PLCL1: variants seen among roughly 807,000 people sequenced by gnomAD.
PLCL1 encodes phospholipase C like 1 (inactive), also known as inactive phospholipase C-like protein 1.
In PLCL1, 41 loss-of-function variants were observed where a neutral mutation model predicts 84.4. The observed-to-expected ratio is 0.49, with a 90% CI of 0.38 to 0.63. PLCL1 has a LOEUF of 0.63. Ranked by LOEUF, PLCL1 falls within the 30% of genes least tolerant of loss-of-function variation. The pLI is 0.00. For missense variants in PLCL1, 1,206 were observed against 1,367.8 expected, an observed-to-expected ratio of 0.88 and a Z score of 1.87; for synonymous variants, 490 against 488.3, an observed-to-expected ratio of 1.00 and a Z score of -0.05.
At chr2:197,894,560 C>G (rs1688096741) in intron 1 of PLCL1, among the ~76,000 whole-genome samples, 1 of 151,992 alleles carries the variant, frequency 6.6e-6, no homozygotes, top group African/African-American at 2.4e-5. Context: ...TCTACCTTAT[C>G]ATCCTTTGTA....
chr2:197,847,663 C>A (rs1296054648), intron 1 of PLCL1, among the ~76,000 whole-genome samples: 1 of 152,164 alleles, frequency 6.6e-6, no homozygotes, highest in Non-Finnish European at 1.5e-5. Context: ...TAACATTTTC[C>A]CTCATGTAAT....
intron 1 of PLCL1, among the ~76,000 whole-genome samples, chr2:197,944,800 G>T (rs1486608344): frequency 6.6e-6 from 1 of 152,130 alleles, no homozygotes; most frequent in African/African-American, 2.4e-5. Flanking sequence ...AAATCAGCTT[G>T]CTTCTTGTAG....
intron 1 of PLCL1, among the ~76,000 whole-genome samples, chr2:197,947,488 C>G (rs1689304949): frequency 6.6e-6 from 1 of 151,914 alleles, no homozygotes; most frequent in Non-Finnish European, 1.5e-5. Context: ...TCCTGGAAAG[C>G]CTCTGCAAAG....
At chr2:198,127,015 G>T (rs1217575213) in intron 5 of PLCL1, among the ~76,000 whole-genome samples, 162 of 114,490 alleles carry the variant, frequency 1.4e-3, no homozygotes, top group African/African-American at 4.8e-3. Flanking sequence ...TGTGTGTGGG[G>T]GGTGGTGTAT....
At chr2:198,051,890 G>A (rs368387350) in intron 1 of PLCL1, among the ~76,000 whole-genome samples, 6 of 151,078 alleles carry the variant, frequency 4.0e-5, no homozygotes, top group African/African-American at 7.4e-5. Flanking sequence ...GTGCCACCAC[G>A]GCCAGCTAAT....
intron 1 of PLCL1, among the ~76,000 whole-genome samples, chr2:197,890,692 A>G (rs1441414363): frequency 8.0e-6 from 1 of 125,398 alleles, no homozygotes; most frequent in African/African-American, 3.3e-5. Context: ...CTATATATAT[A>G]TATATATATA....
At chr2:198,012,333 A>G (rs1360369204) in intron 1 of PLCL1, among the ~76,000 whole-genome samples, 1 of 152,112 alleles carries the variant, frequency 6.6e-6, no homozygotes, top group Non-Finnish European at 1.5e-5. Flanking sequence ...CTTTCTCCTT[A>G]TCTCAAGATG....
At chr2:197,866,672 A>G (rs994060823) in intron 1 of PLCL1, among the ~76,000 whole-genome samples, 19 of 152,250 alleles carry the variant, frequency 1.2e-4, no homozygotes, top group Non-Finnish European at 2.2e-4. Context: ...CTCAGATGAG[A>G]TAATTCTGAA....
At chr2:197,877,068 C>A (rs1687748007) in intron 1 of PLCL1, among the ~76,000 whole-genome samples, 1 of 152,008 alleles carries the variant, frequency 6.6e-6, no homozygotes, top group African/African-American at 2.4e-5. Context: ...GAGGTCAGGC[C>A]TAACCAAATT....
intron 1 of PLCL1, among the ~76,000 whole-genome samples, chr2:197,816,992 C>T (rs1690702833): frequency 6.6e-6 from 1 of 152,150 alleles, no homozygotes; most frequent in Non-Finnish European, 1.5e-5. Context: ...GTAATGAATC[C>T]ATTCTGCTGT....
At chr2:198,092,578 A>G (rs922732298) in intron 3 of PLCL1, among the ~76,000 whole-genome samples, 16 of 151,286 alleles carry the variant, frequency 1.1e-4, no homozygotes, top group African/African-American at 3.4e-4. Flanking sequence ...GCAATATATT[A>G]TTGTTAACTA....
intron 5 of PLCL1, among the ~76,000 whole-genome samples, chr2:198,139,513 T>C (rs1694333982): frequency 6.6e-6 from 1 of 152,218 alleles, no homozygotes; most frequent in Non-Finnish European, 1.5e-5. Flanking sequence ...TGTGCCTGCC[T>C]GACATTCACA....
At chr2:197,883,309 C>A (rs1027714229) in intron 1 of PLCL1, among the ~76,000 whole-genome samples, 5 of 152,198 alleles carry the variant, frequency 3.3e-5, no homozygotes, top group African/African-American at 4.8e-5. Context: ...ACTTGCCTTA[C>A]TAATCAGATT....
chr2:198,132,829 T>A (rs1351511361), intron 5 of PLCL1, among the ~76,000 whole-genome samples: 1 of 152,004 alleles, frequency 6.6e-6, no homozygotes, highest in Non-Finnish European at 1.5e-5. Flanking sequence ...GCTCTTTAGT[T>A]TAATTAGACC....
chr2:198,010,912 T>C (rs1450678218), intron 1 of PLCL1, among the ~76,000 whole-genome samples: 2 of 151,860 alleles, frequency 1.3e-5, no homozygotes, highest in Non-Finnish European at 2.9e-5. Flanking sequence ...TCCAATTTGT[T>C]GGCATATAAT....
At chr2:197,997,876 C>T (rs73058818) in intron 1 of PLCL1, among the ~76,000 whole-genome samples, 34,025 of 152,038 alleles carry the variant, frequency 0.22, 3,882 homozygotes, top group East Asian at 0.28. Flanking sequence ...CTGATTCATT[C>T]AATTCTATAT....
intron 1 of PLCL1, among the ~76,000 whole-genome samples, chr2:197,855,796 T>C (rs1687321357): frequency 6.6e-6 from 1 of 152,142 alleles, no homozygotes; most frequent in African/African-American, 2.4e-5. Flanking sequence ...TGAATCCTGA[T>C]TCAGATGACC....
At chr2:197,998,255 T>C (rs2105818278) in intron 1 of PLCL1, among the ~76,000 whole-genome samples, 1 of 151,820 alleles carries the variant, frequency 6.6e-6, no homozygotes, top group Non-Finnish European at 1.5e-5. Flanking sequence ...CATGTGTGTA[T>C]GTGTATGTGT....
intron 1 of PLCL1, among the ~76,000 whole-genome samples, chr2:197,918,969 C>CT (rs1369678298): frequency 2.7e-5 from 4 of 146,970 alleles, no homozygotes; most frequent in African/African-American, 5.1e-5. Flanking sequence ...TCTCTCTCTC[C>CT]CTCACACACA....
Sources: gnomAD v4.1 joint callset for allele counts (sites outside exome capture counted in the v4.1 genomes callset) on GRCh38, gnomAD v4.1.1 for gene constraint, MANE v1.5 for transcripts, NCBI Gene and HGNC (gene_info 2026-07-23, HGNC 2026-07-21) for gene names.